Variants in TRA2B observed in about 807,000 individuals in gnomAD.
TRA2B encodes transformer 2 beta homolog.
In TRA2B, 14 loss-of-function variants were observed where a neutral mutation model predicts 41.7. The ratio of observed to expected loss-of-function variants is 0.34; its 90% CI spans 0.22 to 0.53. The LOEUF is 0.53. Among genes scored for constraint, TRA2B ranks in the 20% least tolerant of loss-of-function variants. The pLI is 0.95. For missense variants in TRA2B, 167 were observed against 396.8 expected (o/e 0.42, Z 4.92); for synonymous variants, 130 against 128.8 (o/e 1.01, Z -0.06).
chr3:185,926,744 G>C lies in TRA2B; in HGVS notation c.37-10C>G, dbSNP rs761222657. On this transcript the variant is annotated splice_polypyrimidine_tract_variant and intron_variant, in intron 1 of 8. Transcript: ENST00000453386. ...AAGCAGAACGGGATTCCTACACGTA[G>C]ATGTTAAAAGTTTAATTTGCACACT... The C allele has an allele frequency of 6.2e-7, 1 of 1,613,622 alleles. No individual in the cohort carries two copies. Among genetic ancestry groups the C allele is most frequent in the Admixed American group, 1.7e-5 (1 of 59,960 alleles).
intron 5 of TRA2B, 23 bp from the exon 6 acceptor site, chr3:185,921,210 G>A (rs1201153437): frequency 6.2e-7 from 1 of 1,606,058 alleles, no homozygotes; most frequent in East Asian, 2.2e-5. Flanking sequence ...AAATATTCAG[G>A]TGACCTCCCT....
At chr3:185,929,658 G>A (rs1744076412) in intron 1 of TRA2B, among the ~76,000 whole-genome samples, 1 of 152,074 alleles carries the variant, frequency 6.6e-6, no homozygotes, top group Admixed American at 6.6e-5. Context: ...TCCCTATTCT[G>A]AGAACAGCAA....
chr3:185,919,194 C>CTTAACTT (rs1553907146), intron 7 of TRA2B, among the ~76,000 whole-genome samples: 2 of 151,394 alleles, frequency 1.3e-5, no homozygotes, highest in Non-Finnish European at 3.0e-5. Context: ...TTATCAGTGA[C>CTTAACTT]TAACATCACT....
intron 1 of TRA2B, among the ~76,000 whole-genome samples, chr3:185,929,660 G>A (rs566583756): frequency 6.6e-6 from 1 of 152,216 alleles, no homozygotes; most frequent in East Asian, 1.9e-4. Context: ...CCTATTCTGA[G>A]AACAGCAACC....
chr3:185,923,701 T>TG (rs1743829318), intron 4 of TRA2B, 95 bp downstream of exon 4: 1 of 1,203,766 alleles, frequency 8.3e-7, no homozygotes, highest in Admixed American at 2.7e-5. Flanking sequence ...GAAGTATTAC[T>TG]GACTTGTCCT....
rs960980862 is a variant in TRA2B, at chr3:185,915,161, C to A, written c.*2554G>T. On this transcript the variant is annotated 3_prime_UTR_variant, in exon 9 of 9. Coordinates refer to ENST00000453386, the MANE Select transcript of TRA2B (RefSeq NM_004593.3). ...CAATCCATGGCCAGGAGATCGGAAA[C>A]CCCTGCTCCCAGGTCTACAAATCTT... is the stretch of plus-strand genomic sequence containing the variant. 2.0e-5 allele frequency among the ~76,000 whole-genome samples: 3 copies of A among 152,144 alleles called. No homozygotes were observed. Among genetic ancestry groups the A allele is most frequent in the Non-Finnish European group, 2.9e-5 (2 of 68,026 alleles).
At chr3:185,929,143 TG>T (rs1350898995) in intron 1 of TRA2B, 1 of 152,202 alleles carries the variant, frequency 6.6e-6, no homozygotes, top group Non-Finnish European at 1.5e-5. Context: ...GACACTTGTT[TG>T]GGTAACACCT....
At chr3:185,935,192 C>T (rs528142516) in intron 1 of TRA2B, 1 of 985,380 alleles carries the variant, frequency 1.0e-6, no homozygotes, top group East Asian at 1.1e-4. Flanking sequence ...CTAGTCAACC[C>T]CTTTACAAAA....
At chr3:185,935,353 AAAAT>A in intron 1 of TRA2B, 3 of 985,478 alleles carry the variant, frequency 3.0e-6, no homozygotes, top group Middle Eastern at 5.2e-4. Context: ...GAGGGGGGAA[AAAAT>A]AAATCCCACA....
chr3:185,917,448 A>C lies in TRA2B; in HGVS notation c.*267T>G, dbSNP rs180800948. The C allele has an allele frequency of 1.1e-5, 5 of 437,252 alleles. No homozygotes were observed. The highest frequency in any genetic ancestry group is 8.2e-5 in the African/African-American group (4 of 48,848). 27.1% of individuals were successfully genotyped at this position (437,252 alleles called of 1,614,324 possible). ...TTTAAATGAAGTTTTGTACAATAGA[A>C]ACTTCTCAGCAGTCAAAATTTAGAC... On this transcript the variant is annotated 3_prime_UTR_variant, in exon 9 of 9. Transcript: ENST00000453386.
chr3:185,934,949 T>A, intron 1 of TRA2B: 3 of 985,456 alleles, frequency 3.0e-6, no homozygotes, highest in Non-Finnish European at 3.6e-6. Flanking sequence ...CATCAGTGTC[T>A]CCTTAGTTTC....
intron 2 of TRA2B, 80 bp from the exon 3 acceptor site, chr3:185,925,706 CA>C: frequency 7.1e-7 from 1 of 1,401,342 alleles, no homozygotes; most frequent in Non-Finnish European, 9.5e-7. Context: ...AGTTAAACTC[CA>C]AAAGAGGGAA....
chr3:185,929,037 A>G (rs1210260815), intron 1 of TRA2B: 3 of 152,204 alleles, frequency 2.0e-5, no homozygotes, highest in Non-Finnish European at 4.4e-5. Context: ...TCAGCCTCCA[A>G]AACTAACGGA....
At chr3:185,932,232 G>A (rs1229640956) in intron 1 of TRA2B, among the ~76,000 whole-genome samples, 1 of 152,152 alleles carries the variant, frequency 6.6e-6, no homozygotes. Context: ...TAATACATAA[G>A]TGCATGAAAG....
Position 185,916,705 on chromosome 3 carries a change from T to C in TRA2B, c.*1010A>G, listed in dbSNP as rs1409253530. The C allele has an allele frequency of 2.0e-5, 3 of 152,622 alleles. No individual in the cohort carries two copies. The highest frequency in any genetic ancestry group is 1.9e-4 in the East Asian group (1 of 5,198). The allele number at this position is 152,622 out of a possible 1,614,324, so 9.5% of individuals were successfully genotyped here. A position where few individuals can be genotyped will look rare whatever the true frequency, so the allele number is the denominator to read the frequency against. On this transcript the variant is annotated 3_prime_UTR_variant, in exon 9 of 9. Transcript: ENST00000453386. Reference sequence around the variant, plus strand: ...AACTACAGAAGAACTCTAATTATAATAGAACAAGAACACTTCTTTGTGAAC... The same window carrying C: ...AACTACAGAAGAACTCTAATTATAACAGAACAAGAACACTTCTTTGTGAAC...
chr3:185,937,317 G>T, intron 1 of TRA2B: 3 of 988,644 alleles, frequency 3.0e-6, no homozygotes, highest in Non-Finnish European at 3.6e-6. Flanking sequence ...CTAAACACCG[G>T]CCCAAAGACC....
rs1743514269 is a variant in TRA2B, at chr3:185,916,730, C to G, written c.*985G>C. The G allele has an allele frequency of 6.6e-6, 1 of 152,604 alleles. No homozygotes were observed. The highest frequency in any genetic ancestry group is 1.5e-5 in the Non-Finnish European group (1 of 68,028). The allele number at this position is 152,604 out of a possible 1,614,324, so 9.5% of individuals were successfully genotyped here. On this transcript the variant is annotated 3_prime_UTR_variant, in exon 9 of 9. Transcript: ENST00000453386. ...TAGAACAAGAACACTTCTTTGTGAA[C>G]AGCTGCACCAACATTTTTCTTTTCA...
intron 1 of TRA2B, chr3:185,936,607 T>C: frequency 1.0e-6 from 1 of 984,930 alleles, no homozygotes; most frequent in Non-Finnish European, 1.2e-6. Flanking sequence ...AATAGTCTTA[T>C]TTACCTGATA....
chr3:185,926,409 G>C (rs1743954181), intron 2 of TRA2B, among the ~76,000 whole-genome samples, 192 bp downstream of exon 2: 1 of 152,126 alleles, frequency 6.6e-6, no homozygotes, highest in Non-Finnish European at 1.5e-5. Context: ...AGCAAAAATA[G>C]AAAACCCTGA....
Sources: gnomAD v4.1 joint callset for allele counts (sites outside exome capture counted in the v4.1 genomes callset) on GRCh38, gnomAD v4.1.1 for gene constraint, MANE v1.5 for transcripts, NCBI Gene and HGNC (gene_info 2026-07-23, HGNC 2026-07-21) for gene names.